Variants in STK3 observed in about 807,000 individuals in gnomAD.
STK3 encodes serine/threonine-protein kinase 3.
In STK3, 41 loss-of-function variants were observed where a neutral mutation model predicts 58.0. That is an observed-to-expected ratio of 0.71 (90% CI 0.55 to 0.92). STK3 has a LOEUF of 0.92. Among genes scored for constraint, STK3 ranks in the 40% least tolerant of loss-of-function variants. The pLI, the probability that STK3 is intolerant of heterozygous loss-of-function variation, is 0.00. For synonymous variants in STK3, 170 were observed against 191.0 expected, an observed-to-expected ratio of 0.89 and a Z score of 0.91; for missense variants, 479 against 602.7, an observed-to-expected ratio of 0.79 and a Z score of 2.15.
At chr8:98,733,095 T>C (rs368014146) in intron 4 of STK3, among the ~76,000 whole-genome samples, 5 of 152,226 alleles carry the variant, frequency 3.3e-5, no homozygotes, top group East Asian at 3.8e-4. Flanking sequence ...CATATCATTG[T>C]TTCCTCTTCC....
At chr8:98,660,981 G>T (rs1821924763) in intron 6 of STK3, among the ~76,000 whole-genome samples, 2 of 152,010 alleles carry the variant, frequency 1.3e-5, no homozygotes, top group Non-Finnish European at 2.9e-5. Context: ...TCTTCAGGTA[G>T]AAATGAAAGG....
At chr8:98,377,859 C>T (rs1012897893) in intron 2 of STK3, among the ~76,000 whole-genome samples, 1 of 152,148 alleles carries the variant, frequency 6.6e-6, no homozygotes, top group African/African-American at 2.4e-5. Flanking sequence ...GTGGATACTG[C>T]AGGCCTCAGG....
At chr8:98,889,570 A>G (rs1004120695) in intron 1 of STK3, among the ~76,000 whole-genome samples, 11 of 152,206 alleles carry the variant, frequency 7.2e-5, no homozygotes, top group Admixed American at 1.3e-4. Context: ...ATTTCATCTT[A>G]TCTCCAGTGT....
chr8:98,553,022 G>C (rs142534959), intron 8 of STK3, among the ~76,000 whole-genome samples: 1 of 152,154 alleles, frequency 6.6e-6, no homozygotes, highest in Non-Finnish European at 1.5e-5. Context: ...TACAAGAAAA[G>C]TGTTGACAGT....
At chr8:98,803,610 A>AAAC (rs1554680953) in intron 1 of STK3, among the ~76,000 whole-genome samples, 10 of 117,900 alleles carry the variant, frequency 8.5e-5, no homozygotes, top group African/African-American at 3.6e-4. Context: ...AAAAAAAAAG[A>AAAC]AAAAAAAAGA....
At chr8:98,525,706 T>C (rs1264134950) in intron 10 of STK3, among the ~76,000 whole-genome samples, 1 of 152,086 alleles carries the variant, frequency 6.6e-6, no homozygotes, top group Non-Finnish European at 1.5e-5. Context: ...ACTGCTAATA[T>C]TTGCTAGCAA....
At chr8:98,644,986 G>A (rs1394341181) in intron 6 of STK3, among the ~76,000 whole-genome samples, 1 of 152,174 alleles carries the variant, frequency 6.6e-6, no homozygotes, top group Non-Finnish European at 1.5e-5. Context: ...GTGTGCCTCC[G>A]TGGTTAAGAT....
intron 3 of STK3, among the ~76,000 whole-genome samples, chr8:98,831,032 T>G (rs1835516997): frequency 6.6e-6 from 1 of 151,364 alleles, no homozygotes; most frequent in Non-Finnish European, 1.5e-5. Context: ...ACAGCTCCAT[T>G]TGGAATCGAG....
intron 6 of STK3, among the ~76,000 whole-genome samples, chr8:98,693,737 C>A (rs949841116): frequency 6.6e-6 from 1 of 152,140 alleles, no homozygotes; most frequent in African/African-American, 2.4e-5. Flanking sequence ...CTACAAATAC[C>A]TACACAGCAG....
At chr8:98,429,454 G>A in intron 3 of STK3, 2 of 1,407,370 alleles carry the variant, frequency 1.4e-6, no homozygotes, top group South Asian at 1.3e-5. Flanking sequence ...TTGCTGAGCT[G>A]CCTCTTGTGC....
intron 2 of STK3, among the ~76,000 whole-genome samples, chr8:98,374,687 T>C (rs7838130): frequency 0.63 from 96,111 of 152,114 alleles, 31,161 homozygotes; most frequent in Non-Finnish European, 0.69. Context: ...CAACTAAACC[T>C]TCTCCTAGAA....
intron 8 of STK3, among the ~76,000 whole-genome samples, chr8:98,575,794 C>T (rs536867765): frequency 1.3e-5 from 2 of 151,976 alleles, no homozygotes; most frequent in Non-Finnish European, 2.9e-5. Flanking sequence ...GGATACTAGA[C>T]CCTTATCAGA....
At position 98,925,820 on chromosome 8, in the gene STK3, G is replaced by A. The variant is rs1839765940; in HGVS notation, c.-79+16558C>T. On this transcript the variant is annotated intron_variant, in intron 1 of 1. Coordinates refer to the STK3 transcript ENST00000519420. ...CCCGCTGCAGCTGCAACAATAAGAT[G>A]GAAATGTGGTTTGGAGGAGGCAAGG... Among the ~76,000 whole-genome samples, 3 of 152,112 alleles carry A rather than the reference G, an allele frequency of 2.0e-5. No homozygotes were observed. The South Asian group carries it at 6.2e-4, about 31-fold the overall frequency.
At chr8:98,406,717 G>A (rs1176192821) in intron 3 of STK3, among the ~76,000 whole-genome samples, 2 of 152,216 alleles carry the variant, frequency 1.3e-5, no homozygotes, top group South Asian at 2.1e-4. Flanking sequence ...CCTTATCTGC[G>A]CCTACCACAG....
intron 3 of STK3, among the ~76,000 whole-genome samples, chr8:98,415,850 A>G (rs1420183897): frequency 6.6e-6 from 1 of 152,220 alleles, no homozygotes; most frequent in Non-Finnish European, 1.5e-5. Context: ...ATTATTACAA[A>G]AGCATTATTT....
At chr8:98,476,012 T>C (rs1409602036) in intron 10 of STK3, among the ~76,000 whole-genome samples, 1 of 152,198 alleles carries the variant, frequency 6.6e-6, no homozygotes, top group Non-Finnish European at 1.5e-5. Context: ...AAATTCCATC[T>C]AGGCCTTAGA....
At chr8:98,665,396 T>TTTTG (rs771786840) in intron 6 of STK3, among the ~76,000 whole-genome samples, 1 of 152,088 alleles carries the variant, frequency 6.6e-6, no homozygotes, top group Non-Finnish European at 1.5e-5. Flanking sequence ...CAAGGTTTCT[T>TTTTG]TTTGTTTGTT....
At chr8:98,940,138 G>A (rs910742480) in intron 1 of STK3, among the ~76,000 whole-genome samples, 5 of 151,794 alleles carry the variant, frequency 3.3e-5, no homozygotes, top group African/African-American at 1.2e-4. Flanking sequence ...CTACCCCCTC[G>A]GCGTGCGGCG....
At chr8:98,414,834 TGTAA>T (rs1464326477) in intron 3 of STK3, among the ~76,000 whole-genome samples, 2 of 152,202 alleles carry the variant, frequency 1.3e-5, no homozygotes, top group Non-Finnish European at 2.9e-5. Flanking sequence ...CCTGGCTTGA[TGTAA>T]GTGAGCTCTG....
Sources: gnomAD v4.1 joint callset for allele counts (sites outside exome capture counted in the v4.1 genomes callset) on GRCh38, gnomAD v4.1.1 for gene constraint, MANE v1.5 for transcripts, NCBI Gene and HGNC (gene_info 2026-07-23, HGNC 2026-07-21) for gene names.